The following XRCC4 variants were observed in gnomAD, a reference collection of about 807,000 sequenced individuals.
XRCC4 encodes DNA repair protein XRCC4.
Under a neutral mutation model 39.1 loss-of-function variants are expected in XRCC4, and 28 were observed. That is an observed-to-expected ratio of 0.72 (90% confidence interval 0.53 to 0.98). XRCC4 has a LOEUF of 0.98. Ranked by LOEUF, XRCC4 falls within the 50% of genes least tolerant of loss-of-function variation. The pLI, the probability that XRCC4 is intolerant of heterozygous loss-of-function variation, is 0.00. For synonymous variants in XRCC4, 123 were observed against 126.4 expected (o/e 0.97, Z 0.18); for missense variants, 350 against 376.4 (o/e 0.93, Z 0.58).
At position 83,244,070 on chromosome 5, in the gene XRCC4, G is replaced by A. The variant is rs540241273; in HGVS notation, c.746-14460G>A. Among the ~76,000 whole-genome samples, 905 of 150,076 alleles carry A rather than the reference G, an allele frequency of 6.0e-3. 8 individuals are homozygous for A. The highest frequency in any genetic ancestry group is 6.4e-3 in the Non-Finnish European group (437 of 67,946). On this transcript the variant is annotated intron_variant, in intron 6 of 7. Transcript: ENST00000396027. Reference sequence around the variant, plus strand: ...TAAAAATGGTTTTGGAATTGAAGTGGTGTAACTAATTTAAAAGATATTTTT... The same window carrying A: ...TAAAAATGGTTTTGGAATTGAAGTGATGTAACTAATTTAAAAGATATTTTT...
chr5:83,168,329 T>C (rs941294083), intron 3 of XRCC4, among the ~76,000 whole-genome samples: 1 of 152,200 alleles, frequency 6.6e-6, no homozygotes, highest in Non-Finnish European at 1.5e-5. Flanking sequence ...TACAAAATAA[T>C]CTGGAGAATG....
chr5:83,204,057 G>A (rs1015035085), intron 5 of XRCC4, among the ~76,000 whole-genome samples: 2 of 152,056 alleles, frequency 1.3e-5, no homozygotes, highest in Non-Finnish European at 2.9e-5. Flanking sequence ...TGATGTCTAG[G>A]CAATGATTAA....
chr5:83,199,196 C>T (rs1308528241), intron 4 of XRCC4, among the ~76,000 whole-genome samples: 1 of 152,078 alleles, frequency 6.6e-6, no homozygotes, highest in African/African-American at 2.4e-5. Context: ...TTTTAAAGAC[C>T]TCAAGAGATA....
At chr5:83,283,376 C>T (rs1025854898) in intron 7 of XRCC4, among the ~76,000 whole-genome samples, 1 of 152,156 alleles carries the variant, frequency 6.6e-6, no homozygotes, top group African/African-American at 2.4e-5. Context: ...TCATAATTCT[C>T]ATTTCTTCCA....
chr5:83,276,765 T>C (rs570358367), intron 7 of XRCC4, among the ~76,000 whole-genome samples: 43 of 151,886 alleles, frequency 2.8e-4, no homozygotes, highest in African/African-American at 9.0e-4. Context: ...AATCTTGTTA[T>C]AATTTGTTGC....
At position 83,343,592 on chromosome 5, in the gene XRCC4, CAAAGT is replaced by C. The variant is rs1354909916; in HGVS notation, c.894-9535_894-9531del. Among the ~76,000 whole-genome samples the C allele has an allele frequency of 2.0e-5, 3 of 152,288 alleles. No individual in the cohort carries two copies. In the East Asian group the frequency reaches 5.8e-4, roughly 29 times the overall value. Reference sequence around the variant, plus strand: ...GGAAACAGCACAAGCTGTGGGCACACAAAGTAAACTTGGCCCTTGGCTTCTGTACA... The same window carrying C: ...GGAAACAGCACAAGCTGTGGGCACACAAACTTGGCCCTTGGCTTCTGTACA... On this transcript the variant is annotated intron_variant, in intron 7 of 7. Transcript: ENST00000396027.
intron 3 of XRCC4, among the ~76,000 whole-genome samples, chr5:83,192,858 C>T (rs1048691276): frequency 2.6e-5 from 4 of 152,108 alleles, no homozygotes; most frequent in Non-Finnish European, 5.9e-5. Context: ...CATTCAAAGT[C>T]ATGGTTTTAT....
In XRCC4 at chr5:83,306,123, A is replaced by G. The variant is rs900652039; in HGVS notation, c.894-47008A>G. Among the ~76,000 whole-genome samples, 4 of 67,522 alleles carry G rather than the reference A, an allele frequency of 5.9e-5. No individual in the cohort carries two copies. In the South Asian group the frequency reaches 1.5e-3, roughly 25 times the overall value. The allele number at this position is 67,522 out of a possible 152,430, so 44.3% of individuals were successfully genotyped here. On this transcript the variant is annotated intron_variant, in intron 7 of 7. Coordinates refer to ENST00000396027, the MANE Select transcript of XRCC4 (RefSeq NM_003401.5). ...AACATTTTAGTGAATTCTCTACTGA[A>G]GGTTGCAGATTTCTAGTGAATAGAA...
rs889656775 is a variant in XRCC4 at position 83,133,915 on chromosome 5, G to A, written c.315+22712G>A. On this transcript the variant is annotated intron_variant, in intron 3 of 7. Coordinates refer to ENST00000396027, the MANE Select transcript of XRCC4 (RefSeq NM_003401.5). The stretch of plus-strand genomic sequence containing the variant: ...CCCTCTCTGGTGCTTGCCAAGGCTG[G>A]AGCTGGCTCCCTCTGCTGGCGGGGC... 7.2e-5 allele frequency among the ~76,000 whole-genome samples: 11 copies of A among 152,222 alleles called. No homozygotes were observed. The South Asian group carries it at 8.3e-4, about 11-fold the overall frequency.
At chr5:83,247,277 T>TA (rs1753141123) in intron 6 of XRCC4, among the ~76,000 whole-genome samples, 8 of 152,132 alleles carry the variant, frequency 5.3e-5, no homozygotes, top group Admixed American at 3.9e-4. Context: ...ATCCATATCT[T>TA]ACAGCAGGGG....
chr5:83,356,757 A>G, downstream of XRCC4: 1 of 454,778 alleles, frequency 2.2e-6, no homozygotes, highest in Non-Finnish European at 4.4e-6. Flanking sequence ...GAATGCTGAA[A>G]TGGAAGGCAC....
chr5:83,313,047 C>A (rs1156702340), intron 7 of XRCC4, among the ~76,000 whole-genome samples: 1 of 149,066 alleles, frequency 6.7e-6, no homozygotes, highest in Admixed American at 6.7e-5. Flanking sequence ...AGAAACCATG[C>A]CAAAAAATGT....
intron 3 of XRCC4, among the ~76,000 whole-genome samples, chr5:83,123,529 A>C (rs1042446377): frequency 5.0e-5 from 7 of 140,808 alleles, no homozygotes; most frequent in African/African-American, 2.1e-4. Flanking sequence ...TTTATGTTTT[A>C]TGTAATTATT....
chr5:83,171,166 C>T (rs1749704321), intron 3 of XRCC4, among the ~76,000 whole-genome samples: 2 of 152,076 alleles, frequency 1.3e-5, no homozygotes, highest in African/African-American at 2.4e-5. Flanking sequence ...TACATGAATG[C>T]CTAGTCCTCA....
At chr5:83,279,200 A>C (rs898269249) in intron 7 of XRCC4, among the ~76,000 whole-genome samples, 2 of 151,290 alleles carry the variant, frequency 1.3e-5, no homozygotes, top group East Asian at 1.9e-4. Flanking sequence ...CATATCAATC[A>C]ACTTATCTTC....
chr5:83,237,271 G>A (rs76817544), intron 6 of XRCC4, among the ~76,000 whole-genome samples: 2,420 of 152,110 alleles, frequency 0.016, 59 homozygotes, highest in African/African-American at 0.054. Flanking sequence ...CATGCTTATT[G>A]CAACACTGTT....
At chr5:83,193,321 A>C (rs1422402211) in intron 3 of XRCC4, among the ~76,000 whole-genome samples, 1 of 152,156 alleles carries the variant, frequency 6.6e-6, no homozygotes, top group East Asian at 1.9e-4. Flanking sequence ...CTTTTCTTTG[A>C]TTAAATTTAT....
In XRCC4 at chr5:83,195,865, T is replaced by G. The variant is rs56334522; in HGVS notation, c.411T>G (p.Asn137Lys). The G allele has an allele frequency of 1.1e-3, 1,728 of 1,611,822 alleles. 10 individuals carry two copies. The African/African-American group carries it at 0.018, about 17-fold the overall frequency. The change falls in exon 4 of 8, where the codon AAT (asparagine) becomes AAG (lysine). Residue 137 changes from asparagine (N) to lysine (K), a missense_variant. Asn to Lys is a moderately conservative substitution (Grantham distance 94). Coordinates refer to ENST00000396027, the MANE Select transcript of XRCC4 (RefSeq NM_003401.5). ...ATTGCTTGGACACCATTGCAGAAAA[T>G]CAAGCCAAAAATGAGCACCTGCAGA... ...ICYCLDTIAE[N>K]QAKNEHLQKE...
chr5:83,189,321 C>T (rs914508627), intron 3 of XRCC4, among the ~76,000 whole-genome samples: 4 of 152,030 alleles, frequency 2.6e-5, no homozygotes, highest in African/African-American at 4.8e-5. Flanking sequence ...CTGATTCCCA[C>T]TATGACTTTT....
Sources: allele counts gnomAD v4.1 joint callset (sites outside exome capture counted in the v4.1 genomes callset), GRCh38; gene constraint gnomAD v4.1.1; transcripts MANE v1.5; gene names NCBI Gene and HGNC (gene_info 2026-07-23, HGNC 2026-07-21).